The following GRK5 variants were observed in gnomAD, a reference collection of about 807,000 sequenced individuals.
GRK5 encodes the protein g protein-coupled receptor kinase GRK5.
GRK5 carries 40 observed loss-of-function variants against 78.4 expected under a neutral mutation model. The ratio of observed to expected loss-of-function variants is 0.51; its 90% CI spans 0.40 to 0.66. The LOEUF is 0.66. GRK5 is among the 30% of genes least tolerant of loss of function. The pLI, the probability that GRK5 is intolerant of heterozygous loss-of-function variation, is 0.00. For missense variants in GRK5, 598 were observed against 759.9 expected, an observed-to-expected ratio of 0.79 and a Z score of 2.50; for synonymous variants, 289 against 296.8, an observed-to-expected ratio of 0.97 and a Z score of 0.27.
At chr10:119,435,274 C>A (rs1389909713) in intron 8 of GRK5, among the ~76,000 whole-genome samples, 2 of 152,354 alleles carry the variant, frequency 1.3e-5, no homozygotes, top group Admixed American at 1.3e-4. Flanking sequence ...CAAATTTAGG[C>A]AGCCAGCCTG....
At chr10:119,373,366 G>T (rs1851577289) in intron 2 of GRK5, among the ~76,000 whole-genome samples, 1 of 152,192 alleles carries the variant, frequency 6.6e-6, no homozygotes. Flanking sequence ...GTGTGGGAGG[G>T]ACCTGTTGGG....
intron 1 of GRK5, among the ~76,000 whole-genome samples, chr10:119,295,562 T>A (rs1322867305): frequency 1.3e-5 from 2 of 152,106 alleles, no homozygotes; most frequent in Non-Finnish European, 2.9e-5. Flanking sequence ...CAAATGCCTG[T>A]CAATCAATGA....
At chr10:119,448,532 C>T (rs544776543) in intron 13 of GRK5, among the ~76,000 whole-genome samples, 2 of 152,374 alleles carry the variant, frequency 1.3e-5, no homozygotes, top group African/African-American at 4.8e-5. Flanking sequence ...TCCTTCTAAG[C>T]GTCAGTTTCC....
intron 1 of GRK5, among the ~76,000 whole-genome samples, chr10:119,284,277 A>T (rs1267178703): frequency 6.6e-6 from 1 of 152,124 alleles, no homozygotes; most frequent in East Asian, 1.9e-4. Flanking sequence ...AATATATTTT[A>T]TTTAATCCAG....
Position 119,457,357 on chromosome 10 carries a change from A to G in GRK5, c.*2290A>G, listed in dbSNP as rs1355091959. ...TTGCAGTAGAGAATCCCCAGGGAGC[A>G]AGAAAGATGACAGAAGTGTGGCTGC... On this transcript the variant is annotated 3_prime_UTR_variant, in exon 16 of 16. Transcript: ENST00000392870. 6.6e-6 allele frequency: 1 copy of G among 152,188 alleles called. No homozygotes were observed. The highest frequency in any genetic ancestry group is 1.5e-5 in the Non-Finnish European group (1 of 68,062). 9.4% of individuals were successfully genotyped at this position (152,188 alleles called of 1,614,324 possible). A position where few individuals can be genotyped will look rare whatever the true frequency, so the allele number is the denominator to read the frequency against.
In GRK5 at chr10:119,430,799, T is replaced by A. The variant is rs1852801667; in HGVS notation, c.597+361T>A. On this transcript the variant is annotated intron_variant, in intron 7 of 15. Coordinates refer to ENST00000392870, the MANE Select transcript of GRK5 (RefSeq NM_005308.3). This position sits in a 1 kb window ranked among gnomAD's most constrained non-coding sequence, Gnocchi z 4.5. ...ACTCAGTGCCTGGATGACGCTGTCATGCAAGATTCGAGATTTCGTTGTACA... is the reference window on the plus strand; with the variant it reads ...ACTCAGTGCCTGGATGACGCTGTCAAGCAAGATTCGAGATTTCGTTGTACA... Among the ~76,000 whole-genome samples the A allele has an allele frequency of 6.6e-6, 1 of 152,106 alleles. No homozygotes were observed. Among genetic ancestry groups the A allele is most frequent in the African/African-American group, 2.4e-5 (1 of 41,406 alleles).
chr10:119,239,495 C>G (rs937685200), intron 1 of GRK5, among the ~76,000 whole-genome samples: 2 of 152,106 alleles, frequency 1.3e-5, no homozygotes, highest in Non-Finnish European at 2.9e-5. Flanking sequence ...CTCAGCCTCC[C>G]AAAGTCCTGG....
chr10:119,236,906 TATTG>T (rs1208655493), intron 1 of GRK5, among the ~76,000 whole-genome samples: 2 of 150,678 alleles, frequency 1.3e-5, no homozygotes, highest in Non-Finnish European at 3.0e-5. Context: ...TGCAGTTAAA[TATTG>T]ATTGTCTCTT....
At position 119,337,475 on chromosome 10, in the gene GRK5, G is replaced by A. The variant is rs148527641; in HGVS notation, c.148+10864G>A. Among the ~76,000 whole-genome samples the A allele has an allele frequency of 1.8e-4, 27 of 152,280 alleles. No individual in the cohort carries two copies. The East Asian group carries it at 5.0e-3, about 28-fold the overall frequency. ...TTCTGAAGGCTGGGAGGGAGAAGCT[G>A]TTTCAGGCCTCTCCCGTGGCTTCTG... On this transcript the variant is annotated intron_variant, in intron 2 of 15. Transcript: ENST00000392870.
chr10:119,286,933 G>A (rs1849857035), intron 1 of GRK5, among the ~76,000 whole-genome samples: 1 of 152,184 alleles, frequency 6.6e-6, no homozygotes, highest in African/African-American at 2.4e-5. Flanking sequence ...TTGTGAGGAT[G>A]AAATGTAAGG....
At chr10:119,361,282 T>C (rs1380401222) in intron 2 of GRK5, among the ~76,000 whole-genome samples, 1 of 152,106 alleles carries the variant, frequency 6.6e-6, no homozygotes, top group African/African-American at 2.4e-5. Flanking sequence ...TGCGGGAACA[T>C]GAGCAGAAGC....
chr10:119,211,539 T>C (rs1054831299), intron 1 of GRK5: 5 of 152,232 alleles, frequency 3.3e-5, no homozygotes, highest in African/African-American at 1.2e-4. Flanking sequence ...AGGCCCCGCT[T>C]TTCCTTTCTT....
chr10:119,368,015 T>C (rs1851478466), intron 2 of GRK5, among the ~76,000 whole-genome samples: 1 of 152,230 alleles, frequency 6.6e-6, no homozygotes, highest in African/African-American at 2.4e-5. Context: ...CTATTTGCCT[T>C]GGTCCCTGGC....
intron 2 of GRK5, among the ~76,000 whole-genome samples, chr10:119,327,074 G>A (rs2133764488): frequency 6.6e-6 from 1 of 152,146 alleles, no homozygotes; most frequent in Middle Eastern, 3.4e-3. Context: ...CCAGGCTTTG[G>A]GAGCTGAGAG....
intron 1 of GRK5, among the ~76,000 whole-genome samples, chr10:119,313,164 G>A (rs1156866277): frequency 1.8e-4 from 26 of 147,568 alleles, no homozygotes; most frequent in Non-Finnish European, 3.6e-4. Context: ...GGTGGTAATG[G>A]TAGTGGTGGT....
At chr10:119,313,281 GGGA>G (rs1850428140) in intron 1 of GRK5, among the ~76,000 whole-genome samples, 6 of 150,294 alleles carry the variant, frequency 4.0e-5, no homozygotes, top group African/African-American at 1.2e-4. Flanking sequence ...AGTGGTGATG[GGGA>G]TGGTGGTAAT....
At chr10:119,211,317 A>G (rs1489536962) in intron 1 of GRK5, among the ~76,000 whole-genome samples, 1 of 152,262 alleles carries the variant, frequency 6.6e-6, no homozygotes. Flanking sequence ...AAAGAGGCCC[A>G]GACTAACTCT....
chr10:119,363,576 T>G (rs901567671), intron 2 of GRK5, among the ~76,000 whole-genome samples: 2 of 152,196 alleles, frequency 1.3e-5, no homozygotes, highest in African/African-American at 4.8e-5. Flanking sequence ...AGGGCTGCTA[T>G]GGAAACTCTG....
chr10:119,425,584 G>A (rs1852662619), intron 6 of GRK5, among the ~76,000 whole-genome samples: 2 of 152,208 alleles, frequency 1.3e-5, no homozygotes, highest in Admixed American at 6.5e-5. Context: ...ATTTTAAACC[G>A]TGAGTGCTGT....
Sources: allele counts gnomAD v4.1 joint callset (sites outside exome capture counted in the v4.1 genomes callset), GRCh38; gene constraint gnomAD v4.1.1; non-coding constraint Gnocchi (gnomAD v3.1); transcripts MANE v1.5; gene names NCBI Gene and HGNC (gene_info 2026-07-23, HGNC 2026-07-21).